The following CUX1 variants were observed in gnomAD, a reference collection of about 807,000 sequenced individuals.
The protein encoded by CUX1 is protein CASP.
CUX1 carries 31 observed loss-of-function variants against 158.8 expected under a neutral mutation model. The ratio of observed to expected loss-of-function variants is 0.20; its 90% CI spans 0.15 to 0.26. The LOEUF is 0.26. Ranked by LOEUF, CUX1 falls within the 10% of genes least tolerant of loss-of-function variation. The probability of loss-of-function intolerance (pLI) is 1.00; values close to 1 mark genes in which losing one functional copy is unlikely to be tolerated. For synonymous variants in CUX1, 879 were observed against 862.1 expected, an observed-to-expected ratio of 1.02 and a Z score of -0.34; for missense variants, 1,589 against 2,014.6, an observed-to-expected ratio of 0.79 and a Z score of 4.04.
intron 2 of CUX1, among the ~76,000 whole-genome samples, chr7:101,944,666 C>T (rs1023086124): frequency 1.1e-4 from 17 of 152,238 alleles, no homozygotes; most frequent in Admixed American, 7.2e-4. Context: ...TCGTTTCCTC[C>T]GGGCAGTCCA....
chr7:102,203,755 G>C (rs1795685542), intron 18 of CUX1, among the ~76,000 whole-genome samples: 1 of 152,080 alleles, frequency 6.6e-6, no homozygotes, highest in Non-Finnish European at 1.5e-5. Flanking sequence ...CTATACATAT[G>C]TATGGCCATA....
intron 2 of CUX1, among the ~76,000 whole-genome samples, chr7:101,924,737 T>A (rs906299410): frequency 6.6e-6 from 1 of 150,644 alleles, no homozygotes; most frequent in Admixed American, 6.6e-5. Context: ...GGTTATTTTT[T>A]TTTATTTTTT....
At chr7:102,161,692 C>G (rs1335875666) in intron 9 of CUX1, among the ~76,000 whole-genome samples, 2 of 152,188 alleles carry the variant, frequency 1.3e-5, no homozygotes, top group African/African-American at 4.8e-5. Context: ...CTCACTGCAT[C>G]CTCCACCTCA....
intron 2 of CUX1, among the ~76,000 whole-genome samples, chr7:101,943,689 TA>T (rs553867902): frequency 1.2e-3 from 177 of 145,888 alleles, no homozygotes; most frequent in East Asian, 3.4e-3. Flanking sequence ...CTTTAAAATT[TA>T]AAAAAAAAAA....
chr7:102,240,175 A>AT (rs1554534452), intron 23 of CUX1, among the ~76,000 whole-genome samples: 3 of 152,256 alleles, frequency 2.0e-5, no homozygotes, highest in African/African-American at 7.2e-5. Context: ...TCTCGATTAC[A>AT]TCATTTAATA....
chr7:102,172,315 C>T (rs1296145422), intron 10 of CUX1, among the ~76,000 whole-genome samples: 1 of 152,162 alleles, frequency 6.6e-6, no homozygotes, highest in Non-Finnish European at 1.5e-5. Flanking sequence ...TGGTCTTGAA[C>T]TCCTGTCCTC....
At chr7:101,857,487 T>C (rs1238086144) in intron 1 of CUX1, among the ~76,000 whole-genome samples, 7 of 152,218 alleles carry the variant, frequency 4.6e-5, no homozygotes, top group Non-Finnish European at 1.0e-4. Context: ...GCCTCCGAAG[T>C]CAGCTGTTTT....
intron 1 of CUX1, among the ~76,000 whole-genome samples, chr7:101,829,847 C>T (rs79267537): frequency 7.6e-4 from 115 of 152,314 alleles, no homozygotes; most frequent in African/African-American, 2.6e-3. Context: ...AGTTGGGGTA[C>T]GGTTGTGGCT....
chr7:101,891,067 G>A (rs1800830832), intron 1 of CUX1, among the ~76,000 whole-genome samples: 1 of 152,076 alleles, frequency 6.6e-6, no homozygotes, highest in Admixed American at 6.5e-5. Context: ...ATCTTTTAGA[G>A]TTATTATGGA....
In CUX1 at chr7:101,972,255, C is replaced by T. The variant is rs937694712; in HGVS notation, c.142-55843C>T. ...TGCTGGGATTACAGGCGTGAGCCAC[C>T]GTGCCCGGGCCAGATCAACTGATGT... On this transcript the variant is annotated intron_variant, in intron 2 of 23. Coordinates refer to ENST00000292535, the MANE Select transcript of CUX1 (RefSeq NM_181552.4). Among the ~76,000 whole-genome samples the T allele has an allele frequency of 2.5e-4, 38 of 152,218 alleles. 1 individual carries two copies. The highest frequency in any genetic ancestry group is 2.4e-3 in the Admixed American group (37 of 15,282).
At chr7:102,100,886 AGAGGTTTATTT>A (rs1460763821) in intron 5 of CUX1, among the ~76,000 whole-genome samples, 5 of 152,192 alleles carry the variant, frequency 3.3e-5, no homozygotes, top group African/African-American at 1.2e-4. Flanking sequence ...GATGAAGAAA[AGAGGTTTATTT>A]GCCTCATGGT....
At chr7:101,907,418 G>A (rs970088214) in intron 1 of CUX1, among the ~76,000 whole-genome samples, 1 of 151,930 alleles carries the variant, frequency 6.6e-6, no homozygotes, top group Non-Finnish European at 1.5e-5. Flanking sequence ...GCACAATCTC[G>A]GCTCATTGCA....
chr7:101,943,493 G>T (rs899757423), intron 2 of CUX1, among the ~76,000 whole-genome samples: 6 of 152,072 alleles, frequency 3.9e-5, no homozygotes, highest in African/African-American at 1.4e-4. Context: ...CGCGGCGGCG[G>T]CTGACGTCAG....
chr7:102,031,493 C>T (rs181483089), intron 3 of CUX1, among the ~76,000 whole-genome samples: 3 of 152,166 alleles, frequency 2.0e-5, no homozygotes. Context: ...ACCCAAGAAA[C>T]ATCTAGGCTA....
intron 8 of CUX1, among the ~76,000 whole-genome samples, chr7:102,131,632 T>C (rs1833244407): frequency 6.6e-6 from 1 of 151,582 alleles, no homozygotes. Context: ...CCATGCAAAA[T>C]AAAATCTATT....
At chr7:101,835,938 A>T (rs527530902) in intron 1 of CUX1, among the ~76,000 whole-genome samples, 71 of 152,324 alleles carry the variant, frequency 4.7e-4, no homozygotes, top group Admixed American at 7.8e-4. Context: ...CATGTTGGCC[A>T]AGCTGGTCTC....
At chr7:102,027,326 T>C (rs1820159819) in intron 2 of CUX1, among the ~76,000 whole-genome samples, 1 of 151,964 alleles carries the variant, frequency 6.6e-6, no homozygotes, top group Non-Finnish European at 1.5e-5. Flanking sequence ...TGAGCTGAGA[T>C]CTTGCCACTG....
intron 9 of CUX1, among the ~76,000 whole-genome samples, chr7:102,166,982 A>G (rs977735563): frequency 1.3e-5 from 2 of 152,124 alleles, no homozygotes; most frequent in African/African-American, 2.4e-5. Flanking sequence ...AAATTATGCA[A>G]TCAGGCCGGG....
At chr7:101,943,964 T>TAAAAAA (rs5886208) in intron 2 of CUX1, among the ~76,000 whole-genome samples, 7 of 138,242 alleles carry the variant, frequency 5.1e-5, no homozygotes, top group Non-Finnish European at 3.1e-5. Context: ...ATTTAAAAAT[T>TAAAAAA]AAAAAAAAAA....
Sources: gnomAD v4.1 joint callset for allele counts (sites outside exome capture counted in the v4.1 genomes callset) on GRCh38, gnomAD v4.1.1 for gene constraint, MANE v1.5 for transcripts, NCBI Gene and HGNC (gene_info 2026-07-23, HGNC 2026-07-21) for gene names.